Variants in SCRN1 observed in about 807,000 individuals in gnomAD.
SCRN1 encodes the protein secernin 1, also known as secernin-1.
Under a neutral mutation model 43.3 loss-of-function variants are expected in SCRN1, and 19 were observed. The ratio of observed to expected loss-of-function variants is 0.44; its 90% CI spans 0.31 to 0.64. SCRN1 has a LOEUF of 0.64. Ranked by LOEUF, SCRN1 falls within the 30% of genes least tolerant of loss-of-function variation. SCRN1 has a pLI of 0.09. For synonymous variants in SCRN1, 183 were observed against 188.9 expected, an observed-to-expected ratio of 0.97 and a Z score of 0.26; for missense variants, 447 against 524.1, an observed-to-expected ratio of 0.85 and a Z score of 1.44.
chr7:29,966,273 G>C (rs1259658189), intron 2 of SCRN1, among the ~76,000 whole-genome samples: 3 of 151,544 alleles, frequency 2.0e-5, no homozygotes, highest in Non-Finnish European at 4.4e-5. Context: ...CCACCGGTCA[G>C]AGCAATCACA....
intron 1 of SCRN1, among the ~76,000 whole-genome samples, chr7:29,970,955 C>T (rs1214177755): frequency 6.6e-6 from 1 of 152,160 alleles, no homozygotes; most frequent in Non-Finnish European, 1.5e-5. Flanking sequence ...TCAAAGAAAG[C>T]TCCCTGAAGG....
chr7:29,954,229 G>C (rs1788051546), intron 3 of SCRN1, among the ~76,000 whole-genome samples: 1 of 152,140 alleles, frequency 6.6e-6, no homozygotes, highest in African/African-American at 2.4e-5. Context: ...TAGTGGCTGG[G>C]AGAGGGGAAA....
intron 2 of SCRN1, among the ~76,000 whole-genome samples, chr7:29,968,147 G>A (rs1788555806): frequency 1.3e-5 from 2 of 152,130 alleles, no homozygotes; most frequent in Non-Finnish European, 2.9e-5. Context: ...TATAAACTGA[G>A]ACCAGACACT....
At position 29,966,159 on chromosome 7, in the gene SCRN1, C is replaced by CAGACAGAGAGAG. The variant is rs1310111629; in HGVS notation, c.159+2749_159+2750insCTCTCTCTGTCT. Among the ~76,000 whole-genome samples, 266 of 84,458 alleles carry CAGACAGAGAGAG rather than the reference C, an allele frequency of 3.1e-3. 3 individuals carry two copies. The highest frequency in any genetic ancestry group is 6.8e-3 in the Middle Eastern group (1 of 148). 55.4% of individuals were successfully genotyped at this position (84,458 alleles called of 152,430 possible). ...AGACAGAGAGAGAGAGACCGAGAGA[C>CAGACAGAGAGAG]AGAGAGAGAGAGAGAGAGAGAGAGA... On this transcript the variant is annotated intron_variant, in intron 2 of 7. Coordinates refer to ENST00000242059, the MANE Select transcript of SCRN1 (RefSeq NM_014766.5).
intron 4 of SCRN1, 74 bp from the exon 5 acceptor site, chr7:29,940,950 G>A (rs1787523973): frequency 7.9e-7 from 1 of 1,262,976 alleles, no homozygotes; most frequent in Non-Finnish European, 1.0e-6. Context: ...AAATGTATAG[G>A]GAATCCTTTT....
In SCRN1 at chr7:29,955,379, A is replaced by G; in HGVS notation, c.160-19T>C. 2 of 1,610,808 alleles carry G rather than the reference A, an allele frequency of 1.2e-6. No homozygotes were observed. Among genetic ancestry groups the G allele is most frequent in the South Asian group, 1.1e-5 (1 of 90,586 alleles). ...AAGTGCACTGAAAAACAAACACAGG[A>G]AAGAAAGCGCCATCACCTGTCAGGT... On this transcript the variant is annotated intron_variant, in intron 2 of 7. Transcript: ENST00000242059.
rs150133391 is a variant in SCRN1 at position 29,926,169 on chromosome 7, A to T, written c.1086+283T>A. 7.0e-4 allele frequency among the ~76,000 whole-genome samples: 106 copies of T among 152,362 alleles called. 1 individual carries two copies. Among genetic ancestry groups the T allele is most frequent in the African/African-American group, 2.4e-3 (100 of 41,584 alleles). ...CCCTAACGTACTGCATATTCCTATT[A>T]TTCCTACGTAAACAGTAAATGTAAG... On this transcript the variant is annotated intron_variant, in intron 7 of 7. Coordinates refer to ENST00000242059, the MANE Select transcript of SCRN1 (RefSeq NM_014766.5).
At chr7:29,943,830 G>T (rs1318091376) in intron 4 of SCRN1, 147 bp downstream of exon 4, 9 of 717,838 alleles carry the variant, frequency 1.3e-5, no homozygotes, top group Non-Finnish European at 2.1e-5. Flanking sequence ...TCCCAGAAAT[G>T]AGAGGCATGC....
chr7:29,934,453 T>G (rs1229327707), intron 6 of SCRN1, among the ~76,000 whole-genome samples: 2 of 152,172 alleles, frequency 1.3e-5, no homozygotes, highest in African/African-American at 4.8e-5. Context: ...TCCTGTTCCC[T>G]AAAAAGCCAT....
In SCRN1 at chr7:29,959,028, T is replaced by C. The variant is rs1256816116; in HGVS notation, c.160-3668A>G. On this transcript the variant is annotated intron_variant, in intron 2 of 7. Coordinates refer to ENST00000242059, the MANE Select transcript of SCRN1 (RefSeq NM_014766.5). ...CAATTCCACAGAGCAAGCCCTTCATTATTTTGTGAGATTACGTCGAAAATG... is the reference window on the plus strand; with the variant it reads ...CAATTCCACAGAGCAAGCCCTTCATCATTTTGTGAGATTACGTCGAAAATG... 3.3e-5 allele frequency among the ~76,000 whole-genome samples: 5 copies of C among 152,322 alleles called. No individual in the cohort carries two copies. In the East Asian group the frequency reaches 9.6e-4, roughly 29 times the overall value.
intron 1 of SCRN1, among the ~76,000 whole-genome samples, chr7:29,984,196 A>T (rs2127933628): frequency 8.4e-6 from 1 of 119,376 alleles, no homozygotes; most frequent in East Asian, 2.5e-4. Flanking sequence ...ACAGAGTGAG[A>T]CAGTCTCCAA....
chr7:29,969,215 G>A, intron 1 of SCRN1, 147 bp from the exon 2 acceptor site: 1 of 919,806 alleles, frequency 1.1e-6, no homozygotes, highest in Non-Finnish European at 1.6e-6. Flanking sequence ...GCTGGCAAAT[G>A]AAGGTGGGAC....
chr7:29,957,865 A>T (rs1303300472), intron 2 of SCRN1, among the ~76,000 whole-genome samples: 1 of 152,194 alleles, frequency 6.6e-6, no homozygotes, highest in Non-Finnish European at 1.5e-5. Context: ...CTGCTGTGCC[A>T]TGTGGGGGAG....
At chr7:29,938,203 A>AT (rs1787406576) in intron 5 of SCRN1, among the ~76,000 whole-genome samples, 1 of 151,830 alleles carries the variant, frequency 6.6e-6, no homozygotes, top group East Asian at 1.9e-4. Flanking sequence ...TAATTTTTGT[A>AT]TTTTTTTGGT....
rs1786729376 is a variant in SCRN1, at chr7:29,920,755, C to T, written c.*3202G>A. ...TAACACCTGTACCAATGTGGGATGA[C>T]ATCAGCTAGGAAGCAAAGTAATTTG... On this transcript the variant is annotated 3_prime_UTR_variant, in exon 8 of 8. Transcript: ENST00000242059. 1 of 152,200 alleles carries T rather than the reference C, an allele frequency of 6.6e-6. No individual in the cohort carries two copies. Among genetic ancestry groups the T allele is most frequent in the African/African-American group, 2.4e-5 (1 of 41,456 alleles). The allele number at this position is 152,200 out of a possible 1,614,324, so 9.4% of individuals were successfully genotyped here.
chr7:29,928,338 A>G (rs1272523460), intron 6 of SCRN1, among the ~76,000 whole-genome samples: 1 of 152,192 alleles, frequency 6.6e-6, no homozygotes, highest in East Asian at 1.9e-4. Context: ...TCTGAAGAGC[A>G]CTACTAAAGA....
intron 4 of SCRN1, among the ~76,000 whole-genome samples, chr7:29,943,009 C>A (rs1397425933): frequency 1.3e-5 from 2 of 152,186 alleles, no homozygotes; most frequent in Admixed American, 6.5e-5. Flanking sequence ...AAATTTGGTT[C>A]AATTCACCCC....
At chr7:29,956,859 T>G (rs957673595) in intron 2 of SCRN1, among the ~76,000 whole-genome samples, 1 of 152,236 alleles carries the variant, frequency 6.6e-6, no homozygotes, top group Non-Finnish European at 1.5e-5. Context: ...AAAATGATTC[T>G]TGTAGAGCAC....
In SCRN1 at chr7:29,926,447, C is replaced by G. The variant is rs1786960402; in HGVS notation, c.1086+5G>C. ...TCCGCCTCTGTGGCCCTCATGCAAG[C>G]TCACCTGGTCACTTTCGATGATGGC... is the stretch of plus-strand genomic sequence containing the variant. On this transcript the variant is annotated splice_donor_5th_base_variant and intron_variant, in intron 7 of 7. Coordinates refer to ENST00000242059, the MANE Select transcript of SCRN1 (RefSeq NM_014766.5). 1 of 1,609,870 alleles carries G rather than the reference C, an allele frequency of 6.2e-7. No homozygotes were observed.
Sources: allele counts gnomAD v4.1 joint callset (sites outside exome capture counted in the v4.1 genomes callset), GRCh38; gene constraint gnomAD v4.1.1; transcripts MANE v1.5; gene names NCBI Gene and HGNC (gene_info 2026-07-23, HGNC 2026-07-21).